The following DDX10 variants were observed in gnomAD, a reference collection of about 807,000 sequenced individuals.
The protein encoded by DDX10 is probable ATP-dependent RNA helicase DDX10.
DDX10 carries 74 observed loss-of-function variants against 104.3 expected under a neutral mutation model. The ratio of observed to expected loss-of-function variants is 0.71; its 90% CI spans 0.59 to 0.86. DDX10 has a LOEUF of 0.86. Among genes scored for constraint, DDX10 ranks in the 40% least tolerant of loss-of-function variants. The pLI, the probability that DDX10 is intolerant of heterozygous loss-of-function variation, is 0.00. For synonymous variants in DDX10, 351 were observed against 353.4 expected (o/e 0.99, Z 0.08); for missense variants, 952 against 1,040.0 (o/e 0.92, Z 1.16).
intron 16 of DDX10, among the ~76,000 whole-genome samples, chr11:108,879,704 C>G (rs1863201615): frequency 6.6e-6 from 1 of 152,126 alleles, no homozygotes; most frequent in Non-Finnish European, 1.5e-5. Context: ...CTCACCAGCT[C>G]TGGATGGGTG....
At chr11:108,929,227 TAAAC>T (rs1863946773) in intron 17 of DDX10, among the ~76,000 whole-genome samples, 2 of 152,142 alleles carry the variant, frequency 1.3e-5, no homozygotes, top group African/African-American at 4.8e-5. Context: ...CATAAGGAAG[TAAAC>T]AAAAAGCAGA....
intron 13 of DDX10, among the ~76,000 whole-genome samples, chr11:108,768,457 T>C (rs2094358956): frequency 6.6e-6 from 1 of 152,226 alleles, no homozygotes; most frequent in African/African-American, 2.4e-5. Context: ...ATATACAATA[T>C]GAGAAGTGTC....
chr11:108,823,050 TA>T (rs1488975908), intron 13 of DDX10, among the ~76,000 whole-genome samples: 1 of 152,164 alleles, frequency 6.6e-6, no homozygotes, highest in Non-Finnish European at 1.5e-5. Context: ...TGGGAGTGAG[TA>T]GGTGATGTTT....
intron 13 of DDX10, among the ~76,000 whole-genome samples, chr11:108,754,339 G>A (rs1170264389): frequency 6.6e-6 from 1 of 152,000 alleles, no homozygotes; most frequent in African/African-American, 2.4e-5. Context: ...TCATTAATAT[G>A]TTTGAGGGCA....
At chr11:108,707,698 G>A (rs1038400863) in intron 10 of DDX10, among the ~76,000 whole-genome samples, 12 of 152,172 alleles carry the variant, frequency 7.9e-5, no homozygotes, top group Admixed American at 1.3e-4. Flanking sequence ...TCATTTATAG[G>A]TTACTAAATA....
chr11:108,758,578 C>G (rs2094347170), intron 13 of DDX10, among the ~76,000 whole-genome samples: 1 of 151,992 alleles, frequency 6.6e-6, no homozygotes, highest in Admixed American at 6.6e-5. Flanking sequence ...TGCTGTTTCC[C>G]TTTCTGGGAG....
rs181092411 is a variant in DDX10 at position 108,716,720 on chromosome 11, A to G, written c.1410+754A>G. 7.9e-5 allele frequency among the ~76,000 whole-genome samples: 12 copies of G among 152,320 alleles called. No individual in the cohort carries two copies. In the East Asian group the frequency reaches 1.3e-3, roughly 17 times the overall value. ...TACGTTTATGACTTGTTGTTCCCCA[A>G]TTACTTTTCTGGACTTAAAGATCTT... is the stretch of plus-strand genomic sequence containing the variant. On this transcript the variant is annotated intron_variant, in intron 11 of 17. Transcript: ENST00000322536.
At chr11:108,845,601 G>A (rs1862705303) in intron 15 of DDX10, among the ~76,000 whole-genome samples, 1 of 152,102 alleles carries the variant, frequency 6.6e-6, no homozygotes, top group Admixed American at 6.5e-5. Context: ...ACAGAAAAAG[G>A]TGACGAAACT....
At chr11:108,764,647 C>A (rs889061611) in intron 13 of DDX10, among the ~76,000 whole-genome samples, 4 of 152,158 alleles carry the variant, frequency 2.6e-5, no homozygotes, top group Admixed American at 1.3e-4. Context: ...CCAGCCTGGA[C>A]GAGAGCGAAA....
At position 108,679,469 on chromosome 11, in the gene DDX10, T is replaced by C; in HGVS notation, c.757T>C (p.Ser253Pro). ...CAAGAAACGTCAGACTTTACTTTTC[T>C]CAGCAACACAAACTAAATCTGTAAA... ...LPKKRQTLLF[S>P]ATQTKSVKDL... Residue 253 changes from serine to proline, a missense_variant, in exon 6 of 18, where the codon TCA becomes CCA. By Grantham distance (74) the Ser-to-Pro change is moderately conservative (BLOSUM62 -1). Transcript: ENST00000322536. 1 of 1,614,004 alleles carries C rather than the reference T, an allele frequency of 6.2e-7. No individual in the cohort carries two copies. Among genetic ancestry groups the C allele is most frequent in the East Asian group, 2.2e-5 (1 of 44,860 alleles).
intron 13 of DDX10, among the ~76,000 whole-genome samples, chr11:108,733,633 G>C (rs1025433639): frequency 6.6e-6 from 1 of 152,092 alleles, no homozygotes; most frequent in African/African-American, 2.4e-5. Context: ...ACTTGCCTCG[G>C]TATGATTGTG....
intron 15 of DDX10, among the ~76,000 whole-genome samples, chr11:108,850,285 T>C (rs1001390323): frequency 1.3e-5 from 2 of 152,194 alleles, no homozygotes; most frequent in African/African-American, 4.8e-5. Context: ...ATTTAAAATA[T>C]CTTTTAATGA....
chr11:108,907,677 G>A (rs1863615584), intron 16 of DDX10, among the ~76,000 whole-genome samples: 1 of 152,088 alleles, frequency 6.6e-6, no homozygotes, highest in Non-Finnish European at 1.5e-5. Flanking sequence ...TGTTAGGAAG[G>A]GCAGAGATGT....
At chr11:108,835,971 C>T (rs1000298684) in intron 13 of DDX10, among the ~76,000 whole-genome samples, 1 of 152,160 alleles carries the variant, frequency 6.6e-6, no homozygotes, top group African/African-American at 2.4e-5. Context: ...TCCCCGCCCC[C>T]AGACCCAGGT....
intron 13 of DDX10, among the ~76,000 whole-genome samples, chr11:108,730,333 A>C (rs187462529): frequency 2.4e-4 from 37 of 152,320 alleles, no homozygotes; most frequent in African/African-American, 8.4e-4. Flanking sequence ...AAAGTCTCGT[A>C]GAAAAGTGAC....
chr11:108,694,835 C>G (rs1016517042), intron 9 of DDX10, among the ~76,000 whole-genome samples: 9 of 152,040 alleles, frequency 5.9e-5, no homozygotes, highest in Admixed American at 4.6e-4. Context: ...GAGCCGAGAT[C>G]GCACCACTGC....
At chr11:108,819,609 T>G (rs1220019648) in intron 13 of DDX10, among the ~76,000 whole-genome samples, 1 of 151,984 alleles carries the variant, frequency 6.6e-6, no homozygotes, top group Non-Finnish European at 1.5e-5. Context: ...CTTTTTTTCT[T>G]TTTTTTTGAG....
At chr11:108,713,548 G>C (rs2094287377) in intron 10 of DDX10, among the ~76,000 whole-genome samples, 1 of 152,062 alleles carries the variant, frequency 6.6e-6, no homozygotes, top group African/African-American at 2.4e-5. Flanking sequence ...TTGCTCATCT[G>C]TGCATGCTGC....
chr11:108,919,561 C>T (rs190773211), intron 17 of DDX10: 225 of 152,302 alleles, frequency 1.5e-3, no homozygotes, highest in African/African-American at 5.1e-3. Context: ...TTTAATGTAA[C>T]ATACATGACT....
Sources: gnomAD v4.1 joint callset for allele counts (sites outside exome capture counted in the v4.1 genomes callset) on GRCh38, gnomAD v4.1.1 for gene constraint, MANE v1.5 for transcripts, NCBI Gene and HGNC (gene_info 2026-07-23, HGNC 2026-07-21) for gene names.